CAV1: variants seen among roughly 807,000 people sequenced by gnomAD.
CAV1 encodes caveolin 1, also known as caveolin-1.
CAV1 carries 10 observed loss-of-function variants against 16.5 expected under a neutral mutation model. The ratio of observed to expected loss-of-function variants is 0.61; its 90% CI spans 0.37 to 1.03. The LOEUF is 1.03. CAV1 is among the 50% of genes least tolerant of loss of function. CAV1 has a pLI of 0.01. For synonymous variants in CAV1, 76 were observed against 85.1 expected (o/e 0.89, Z 0.59); for missense variants, 212 against 232.8 (o/e 0.91, Z 0.58).
At chr7:116,554,057 C>T (rs185515397) in intron 2 of CAV1, among the ~76,000 whole-genome samples, 2 of 152,216 alleles carry the variant, frequency 1.3e-5, no homozygotes, top group South Asian at 4.1e-4. Flanking sequence ...GTCCAGTCAT[C>T]TGACAGCTTT....
intron 2 of CAV1, among the ~76,000 whole-genome samples, chr7:116,547,286 T>C (rs191291302): frequency 4.8e-4 from 73 of 152,270 alleles, no homozygotes; most frequent in African/African-American, 1.6e-3. Context: ...GGGTATGTTT[T>C]TATCAGTGTA....
chr7:116,538,306 G>T (rs1793866743), intron 2 of CAV1, among the ~76,000 whole-genome samples: 1 of 152,188 alleles, frequency 6.6e-6, no homozygotes, highest in Non-Finnish European at 1.5e-5. Context: ...ACAAATGCCA[G>T]AAGGAAGAAG....
intron 2 of CAV1, among the ~76,000 whole-genome samples, chr7:116,528,073 T>G (rs927627179): frequency 6.6e-6 from 1 of 152,030 alleles, no homozygotes; most frequent in Admixed American, 6.5e-5. Context: ...ATATTTGTGT[T>G]TTCCCCCACC....
At chr7:116,540,827 G>T (rs1793920261) in intron 2 of CAV1, among the ~76,000 whole-genome samples, 1 of 152,156 alleles carries the variant, frequency 6.6e-6, no homozygotes, top group Admixed American at 6.5e-5. Context: ...AAAACAAGAA[G>T]ATACCAGGAT....
chr7:116,532,014 C>T (rs1179039032), intron 2 of CAV1, among the ~76,000 whole-genome samples: 1 of 152,136 alleles, frequency 6.6e-6, no homozygotes, highest in Non-Finnish European at 1.5e-5. Context: ...ATTTTAAATG[C>T]TTACTAAAAG....
chr7:116,549,717 A>G (rs1794120211), intron 2 of CAV1, among the ~76,000 whole-genome samples: 1 of 152,178 alleles, frequency 6.6e-6, no homozygotes, highest in South Asian at 2.1e-4. Flanking sequence ...GTGAAATGTT[A>G]TGTATGGCTA....
chr7:116,537,127 C>T (rs1447118163), intron 2 of CAV1, among the ~76,000 whole-genome samples: 1 of 151,642 alleles, frequency 6.6e-6, no homozygotes, highest in Admixed American at 6.6e-5. Flanking sequence ...TCTTAATCCT[C>T]ATTAGCTGTG....
rs142493423 is a variant in CAV1 at position 116,550,067 on chromosome 7, T to C, written c.196-8879T>C. Among the ~76,000 whole-genome samples, 689 of 152,224 alleles carry C rather than the reference T, an allele frequency of 4.5e-3. 4 individuals carry two copies. The highest frequency in any genetic ancestry group is 0.016 in the African/African-American group (668 of 41,544). On this transcript the variant is annotated intron_variant, in intron 2 of 2. Coordinates refer to ENST00000341049, the MANE Select transcript of CAV1 (RefSeq NM_001753.5). ...AATAGAACACTATCAATGTAAAATA[T>C]TATTCTGAGGCCTCTGTAATGACTG... is the stretch of plus-strand genomic sequence containing the variant.
At chr7:116,557,584 G>T (rs542866700) in intron 2 of CAV1, among the ~76,000 whole-genome samples, 1 of 152,146 alleles carries the variant, frequency 6.6e-6, no homozygotes, top group African/African-American at 2.4e-5. Flanking sequence ...GTAATTAATT[G>T]TTTGGGTGAA....
In CAV1 at chr7:116,560,967, A is replaced by C. The variant is rs1276982649; in HGVS notation, c.*1680A>C. 6.6e-6 allele frequency: 1 copy of C among 152,646 alleles called. No individual in the cohort carries two copies. The highest frequency in any genetic ancestry group is 6.5e-5 in the Admixed American group (1 of 15,278). 9.5% of individuals were successfully genotyped at this position (152,646 alleles called of 1,614,324 possible). On this transcript the variant is annotated 3_prime_UTR_variant, in exon 3 of 3. Transcript: ENST00000341049. The stretch of plus-strand genomic sequence containing the variant: ...ATATTTTTATCTTTATATGAAGAAA[A>C]TCACTTAGGAAATGGCTTTGTGATT...
chr7:116,525,420 C>A, intron 1 of CAV1: 1 of 1,432,688 alleles, frequency 7.0e-7, no homozygotes, highest in Non-Finnish European at 9.3e-7. Context: ...TGTCGCGGGA[C>A]CCCCGCGGTC....
intron 2 of CAV1, among the ~76,000 whole-genome samples, chr7:116,557,942 T>C (rs2116109253): frequency 1.3e-5 from 2 of 152,288 alleles, no homozygotes; most frequent in Middle Eastern, 6.8e-3. Flanking sequence ...TCAACCTGTC[T>C]TTCCAGCCTC....
intron 2 of CAV1, among the ~76,000 whole-genome samples, chr7:116,534,362 G>GATATATATATATAT (rs1181031913): frequency 3.5e-3 from 149 of 42,280 alleles, no homozygotes; most frequent in Non-Finnish European, 4.2e-3. Flanking sequence ...GCCCACCTCA[G>GATATATATATATAT]ATATATATAT....
chr7:116,558,207 T>C (rs776011044), intron 2 of CAV1, among the ~76,000 whole-genome samples: 7 of 152,174 alleles, frequency 4.6e-5, no homozygotes, highest in Non-Finnish European at 1.0e-4. Context: ...CCCCTTAACA[T>C]TGCATGTGTA....
chr7:116,525,073 G>T lies in CAV1; in HGVS notation c.11G>T (p.Gly4Val). Residue 4 changes from glycine (G) to valine (V), a missense_variant, in exon 1 of 3, where the codon GGC becomes GTC. Coordinates refer to ENST00000341049, the MANE Select transcript of CAV1 (RefSeq NM_001753.5). ...CAGCCACGGGCCAGCATGTCTGGGG[G>T]CAAATACGTAGACTCGGAGGTAGGC... is the stretch of plus-strand genomic sequence containing the variant. MSG[G>V]KYVDSEGHLY... The T allele has an allele frequency of 6.2e-7, 1 of 1,614,200 alleles. No homozygotes were observed. Among genetic ancestry groups the T allele is most frequent in the Middle Eastern group, 1.7e-4 (1 of 6,060 alleles).
intron 2 of CAV1, among the ~76,000 whole-genome samples, chr7:116,550,265 C>T (rs1726366897): frequency 6.6e-6 from 1 of 152,140 alleles, no homozygotes; most frequent in South Asian, 2.1e-4. Flanking sequence ...CATCTTGAAA[C>T]CCTGGAAACC....
At chr7:116,552,033 CT>C (rs1316466268) in intron 2 of CAV1, 1 of 152,290 alleles carries the variant, frequency 6.6e-6, no homozygotes, top group Non-Finnish European at 1.5e-5. Context: ...ATGTCCCAGT[CT>C]TTTGTAACCT....
intron 2 of CAV1, among the ~76,000 whole-genome samples, chr7:116,533,464 C>CTTTA (rs1793728307): frequency 6.6e-6 from 1 of 151,856 alleles, no homozygotes; most frequent in Admixed American, 6.6e-5. Flanking sequence ...TGTTTCTTTT[C>CTTTA]TTTATTTATT....
intron 2 of CAV1, chr7:116,527,102 T>C (rs1405096083): frequency 3.4e-6 from 1 of 290,734 alleles, no homozygotes; most frequent in Non-Finnish European, 6.8e-6. Flanking sequence ...AGTCAGATAA[T>C]TGTGTCAGGT....
Sources: allele counts gnomAD v4.1 joint callset (sites outside exome capture counted in the v4.1 genomes callset), GRCh38; gene constraint gnomAD v4.1.1; transcripts MANE v1.5; gene names NCBI Gene and HGNC (gene_info 2026-07-23, HGNC 2026-07-21).